The following L1CAM variants were observed in gnomAD, a reference collection of about 807,000 sequenced individuals.
L1CAM encodes the protein neural cell adhesion molecule L1.
L1CAM carries 8 observed loss-of-function variants against 93.0 expected under a neutral mutation model. The ratio of observed to expected loss-of-function variants is 0.09; its 90% CI spans 0.05 to 0.16. The LOEUF is 0.16. Among genes scored for constraint, L1CAM ranks in the 10% least tolerant of loss-of-function variants. The probability of loss-of-function intolerance (pLI) is 1.00; values close to 1 mark genes in which losing one functional copy is unlikely to be tolerated. For synonymous variants in L1CAM, 453 were observed against 453.0 expected, an observed-to-expected ratio of 1.00 and a Z score of 0.00; for missense variants, 777 against 1,073.4, an observed-to-expected ratio of 0.72 and a Z score of 3.86.
In L1CAM at chrX:153,869,863, G is replaced by T; in HGVS notation, c.1063C>A (p.Gln355Lys). Residue 355 changes from glutamine to lysine, a missense_variant, in exon 10 of 29, where the codon CAA (glutamine) becomes AAA (lysine). Physicochemically the swap from Gln to Lys is moderately conservative, Grantham distance 53. This residue lies in a region of L1CAM where 574 missense variants were observed against 781.0 expected (regional missense o/e 0.73). Coordinates refer to ENST00000370060, the MANE Select transcript of L1CAM (RefSeq NM_001278116.2). ...GPGETARLDC[Q>K]VQGRPQPEVT... The stretch of plus-strand genomic sequence containing the variant: ...TCTGGTTGGGGCCTGCCCTGGACTT[G>T]GCAGTCCAGGCGGGCAGTCTCTCCT... The T allele has an allele frequency of 1.7e-6, 2 of 1,209,366 alleles. No homozygotes were observed. The highest frequency in any genetic ancestry group is 3.5e-5 in the African/African-American group (2 of 57,864).
chrX:153,872,858 C>T (rs1018291315), intron 3 of L1CAM, 161 bp from the exon 4 acceptor site: 25 of 496,623 alleles, frequency 5.0e-5, no homozygotes, highest in Non-Finnish European at 7.5e-5. Context: ...GCTTGTGGGA[C>T]ATGAAAAGAG....
rs951115856 is a variant in L1CAM, at chrX:153,874,057, T to C, written c.77-815A>G. ...GGGGACACTGCAGAGGGCCCTGAGC[T>C]GGGGAGGGAGATGGTGACAGGGATG... On this transcript the variant is annotated intron_variant, in intron 2 of 28. Transcript: ENST00000370060. Among the ~76,000 whole-genome samples the C allele has an allele frequency of 2.7e-5, 3 of 111,931 alleles. No individual in the cohort carries two copies. In the Admixed American group the frequency reaches 2.8e-4, roughly 10 times the overall value.
chrX:153,884,329 G>A, intron 1 of L1CAM: 2 of 853,259 alleles, frequency 2.3e-6, no homozygotes, highest in Non-Finnish European at 3.1e-6. Flanking sequence ...TTGAAGCGCT[G>A]ATTGTCCTCC....
chrX:153,881,883 C>A (rs782498273), intron 1 of L1CAM, among the ~76,000 whole-genome samples: 2 of 111,515 alleles, frequency 1.8e-5, no homozygotes, highest in Non-Finnish European at 3.8e-5. Context: ...ACTAGGGCTC[C>A]TCTCAGGCCC....
chrX:153,870,191 C>T lies in L1CAM; in HGVS notation c.856G>A (p.Asp286Asn), dbSNP rs201338637. Residue 286 changes from aspartate (D) to asparagine (N), a missense_variant, in exon 9 of 29, where the codon GAC becomes AAC. Asp to Asn is a conservative substitution (Grantham distance 23, BLOSUM62 1). Transcript: ENST00000370060. Reference sequence around the variant, plus strand: ...TTGTGGTTCTGGTAGGTGACACGGTCGGCTGGCATGGGGCCACTGGGGCGC... The same window carrying T: ...TTGTGGTTCTGGTAGGTGACACGGTTGGCTGGCATGGGGCCACTGGGGCGC... ...WLRPSGPMPA[D>N]RVTYQNHNKT... 3.4e-5 allele frequency: 41 copies of T among 1,210,700 alleles called. No homozygotes were observed. The highest frequency in any genetic ancestry group is 7.0e-5 in the South Asian group (4 of 56,861).
rs139621907 is a variant in L1CAM, at chrX:153,865,705, T to C, written c.2546A>G (p.Asn849Ser). The stretch of plus-strand genomic sequence containing the variant: ...GGCCCCCATGCCTTCAACCCTTACA[T>C]TGTATCCGCGGAGGTGGCCCTTGAC... The part of the protein sequence containing the change: ...AQVKGHLRGY[N>S]VTYWREGSQR... Residue 849 changes from asparagine to serine, a missense_variant and splice_region_variant, in exon 20 of 29, where the codon AAT becomes AGT. Asn to Ser is a conservative substitution (Grantham distance 46). Coordinates refer to ENST00000370060, the MANE Select transcript of L1CAM (RefSeq NM_001278116.2). The C allele has an allele frequency of 1.7e-6, 2 of 1,189,523 alleles. No homozygotes were observed. The highest frequency in any genetic ancestry group is 2.3e-6 in the Non-Finnish European group (2 of 876,210).
In L1CAM at chrX:153,872,298, G is replaced by A; in HGVS notation, c.254C>T (p.Thr85Ile). The part of the protein sequence containing the change: ...HFKPKEELGV[T>I]VYQSPHSGSF... ...GCCAGAGTGGGGCGACTGGTACACGGTCACACCCAGCTCTTCCTTGGGTTT... is the reference window on the plus strand; with the variant it reads ...GCCAGAGTGGGGCGACTGGTACACGATCACACCCAGCTCTTCCTTGGGTTT... Residue 85 changes from threonine (T) to isoleucine (I), a missense_variant, in exon 5 of 29, where the codon ACC (threonine) becomes ATC (isoleucine). By Grantham distance (89) the Thr-to-Ile change is moderately conservative. Coordinates refer to ENST00000370060, the MANE Select transcript of L1CAM (RefSeq NM_001278116.2). 8.3e-7 allele frequency: 1 copy of A among 1,207,767 alleles called. No homozygotes were observed.
chrX:153,877,287 CAAAAA>C (rs34384910), intron 1 of L1CAM, among the ~76,000 whole-genome samples: 9 of 12,805 alleles, frequency 7.0e-4, no homozygotes, highest in African/African-American at 1.1e-3. Flanking sequence ...ACTAAAAATA[CAAAAA>C]AAAAAAAAAA....
At chrX:153,883,346 G>A (rs146155412) in intron 1 of L1CAM, among the ~76,000 whole-genome samples, 4,395 of 109,602 alleles carry the variant, frequency 0.04, 110 homozygotes, top group Non-Finnish European at 0.063. Flanking sequence ...CCCCATCCCC[G>A]GCAGCAGCAG....
At chrX:153,871,251 G>T in intron 5 of L1CAM, 72 bp from the exon 6 acceptor site, 1 of 880,255 alleles carries the variant, frequency 1.1e-6, no homozygotes. Context: ...GGAGGTGGGG[G>T]CAGGGGGGTG....
intron 19 of L1CAM, 40 bp from the exon 20 acceptor site, chrX:153,865,859 C>A: frequency 5.3e-6 from 5 of 952,331 alleles, no homozygotes; most frequent in African/African-American, 1.9e-5. Flanking sequence ...CATAGGCTCT[C>A]ACCCCAGCCC....
At chrX:153,880,349 T>C in intron 1 of L1CAM, 1 of 188,990 alleles carries the variant, frequency 5.3e-6, no homozygotes, top group South Asian at 7.0e-5. Flanking sequence ...AGTTCTCAGG[T>C]TCTGCCTGGA....
Position 153,863,510 on chromosome X carries a change from C to T in L1CAM, c.3497G>A (p.Arg1166Gln), listed in dbSNP as rs1557089621. The part of the protein sequence containing the change: ...KEDTQVDSEA[R>Q]PMKDETFGEY... ...GCCGAAGGTCTCATCTTTCATCGGTCGGGCCTCAGAGTCCACCTGGGTGTC... is the reference window on the plus strand; with the variant it reads ...GCCGAAGGTCTCATCTTTCATCGGTTGGGCCTCAGAGTCCACCTGGGTGTC... The change falls in exon 27 of 29, where the codon CGA becomes CAA. Residue 1166 changes from arginine to glutamine, a missense_variant. Arg to Gln is a conservative substitution (Grantham distance 43). Transcript: ENST00000370060. 2.5e-6 allele frequency: 3 copies of T among 1,211,517 alleles called. No homozygotes were observed. The highest frequency in any genetic ancestry group is 2.2e-5 in the Admixed American group (1 of 46,059).
At position 153,872,819 on chromosome X, in the gene L1CAM, G is replaced by A; in HGVS notation, c.92-122C>T. The A allele has an allele frequency of 5.2e-6, 3 of 579,327 alleles. No homozygotes were observed. In the South Asian group the frequency reaches 7.1e-5, roughly 14 times the overall value. The allele number at this position is 579,327 out of a possible 1,213,427, so 47.7% of individuals were successfully genotyped here. ...CCCCTGGAGGCCCCATGGCCACAGG[G>A]GGACGAACGGAGGGGAAGAACAAAA... On this transcript the variant is annotated intron_variant, in intron 3 of 28. Coordinates refer to ENST00000370060, the MANE Select transcript of L1CAM (RefSeq NM_001278116.2).
chrX:153,862,702 C>T lies in L1CAM; in HGVS notation c.3735G>A (p.Gly1245=), dbSNP rs200206375. 1.2e-4 allele frequency: 140 copies of T among 1,210,590 alleles called. No individual in the cohort carries two copies. The highest frequency in any genetic ancestry group is 1.5e-4 in the Non-Finnish European group (136 of 895,048). ...CGGCAGGGTTGATGGGGGAAGTGGCCCCTGAGCTGTCATTGCCCCCTGCCG... is the reference window on the plus strand; with the variant it reads ...CGGCAGGGTTGATGGGGGAAGTGGCTCCTGAGCTGTCATTGCCCCCTGCCG... The part of the protein sequence containing the change: ...KEAAGGNDSS[G]ATSPINPAVA... Residue 1245 remains glycine, a synonymous_variant, in exon 29 of 29, where the codon GGG becomes GGA. Transcript: ENST00000370060.
rs1297423657 is a variant in L1CAM at position 153,870,070 on chromosome X, T to G, written c.977A>C (p.Tyr326Ser). 3 of 1,210,016 alleles carry G rather than the reference T, an allele frequency of 2.5e-6. No individual in the cohort carries two copies. The highest frequency in any genetic ancestry group is 3.4e-6 in the Non-Finnish European group (3 of 895,123). Residue 326 changes from tyrosine to serine, a missense_variant, in exon 9 of 29, where the codon TAT (tyrosine) becomes TCT (serine). Tyr to Ser is a moderately radical substitution (Grantham distance 144). Around this residue, in one of 5 missense-constraint regions of L1CAM, gnomAD observed 574 missense variants for 781.0 expected, o/e 0.73. Coordinates refer to ENST00000370060, the MANE Select transcript of L1CAM (RefSeq NM_001278116.2). The part of the protein sequence containing the change: ...NSLGSARHAY[Y>S]VTVEAAPYWL... ...GAGGTCCATACCCTCCACGGTGACA[T>G]AGTACGCATGCCGGGCACTGCCCAG...
chrX:153,868,483 A>G (rs1334342818), intron 13 of L1CAM, 25 bp from the exon 14 acceptor site: 16 of 1,210,489 alleles, frequency 1.3e-5, no homozygotes, highest in Non-Finnish European at 1.8e-5. Flanking sequence ...TGCGTGGGGA[A>G]GTCACTCTGT....
chrX:153,862,541 G>A lies in L1CAM; in HGVS notation c.*122C>T. 3.7e-6 allele frequency: 2 copies of A among 537,277 alleles called. No individual in the cohort carries two copies. Among genetic ancestry groups the A allele is most frequent in the Non-Finnish European group, 3.0e-6 (1 of 332,576 alleles). 44.3% of individuals were successfully genotyped at this position (537,277 alleles called of 1,213,427 possible). A position where few individuals can be genotyped will look rare whatever the true frequency, so the allele number is the denominator to read the frequency against. On this transcript the variant is annotated 3_prime_UTR_variant, in exon 29 of 29. Coordinates refer to ENST00000370060, the MANE Select transcript of L1CAM (RefSeq NM_001278116.2). ...GCAATAAAGTGGGGACCGGGTGGTA[G>A]GAAGGGGATCCGAGGCAGCAAGTTC...
At position 153,864,504 on chromosome X, in the gene L1CAM, G is replaced by T. The variant is rs199807913; in HGVS notation, c.3167-27C>A. 1.5e-4 allele frequency: 186 copies of T among 1,208,322 alleles called. No individual in the cohort carries two copies. In the African/African-American group the frequency reaches 2.9e-3, roughly 19 times the overall value. On this transcript the variant is annotated intron_variant, in intron 24 of 28. Coordinates refer to ENST00000370060, the MANE Select transcript of L1CAM (RefSeq NM_001278116.2). ...TGCCAGGGAGAGAGGGTGGCAGCAG[G>T]GGTGAGTCGGAGTGCCAGGCAACCC...
Sources: allele counts gnomAD v4.1 joint callset (sites outside exome capture counted in the v4.1 genomes callset), GRCh38; gene constraint gnomAD v4.1.1; regional missense constraint gnomAD v4.1.1; transcripts MANE v1.5; gene names NCBI Gene and HGNC (gene_info 2026-07-23, HGNC 2026-07-21).